Variants in CCSER2 observed in about 807,000 individuals in gnomAD.
CCSER2 encodes the protein serine-rich coiled-coil domain-containing protein 2.
CCSER2 carries 46 observed loss-of-function variants against 92.3 expected under a neutral mutation model. The observed-to-expected ratio is 0.50, with a 90% CI of 0.39 to 0.64. The LOEUF (loss-of-function observed/expected upper bound fraction) is 0.64, where lower values mean the gene tolerates loss of function less well. CCSER2 is among the 30% of genes least tolerant of loss of function. CCSER2 has a pLI of 0.00. For missense variants in CCSER2, 1,244 were observed against 1,238.9 expected, an observed-to-expected ratio of 1.00 and a Z score of -0.06; for synonymous variants, 433 against 431.4, an observed-to-expected ratio of 1.00 and a Z score of -0.04.
intron 1 of CCSER2, among the ~76,000 whole-genome samples, chr10:84,357,171 C>G (rs1845217355): frequency 6.6e-6 from 1 of 152,144 alleles, no homozygotes; most frequent in African/African-American, 2.4e-5. Context: ...GTGGGTTTGG[C>G]TTCTGCAAAG....
intron 1 of CCSER2, among the ~76,000 whole-genome samples, chr10:84,331,577 G>A (rs189327071): frequency 2.6e-5 from 4 of 152,286 alleles, no homozygotes; most frequent in African/African-American, 9.6e-5. Context: ...AAAATTACTT[G>A]TGTGGCTTGT....
At chr10:84,443,675 A>G (rs907763878) in intron 6 of CCSER2, among the ~76,000 whole-genome samples, 5 of 152,202 alleles carry the variant, frequency 3.3e-5, no homozygotes, top group Non-Finnish European at 5.9e-5. Flanking sequence ...TCATTTTACT[A>G]TAAAGACACA....
intron 3 of CCSER2, among the ~76,000 whole-genome samples, chr10:84,412,081 C>T (rs774799741): frequency 6.6e-6 from 1 of 151,976 alleles, no homozygotes; most frequent in African/African-American, 2.4e-5. Context: ...TGGTTTTTGT[C>T]TTTAGTTTTG....
At chr10:84,498,280 A>G (rs1848552732) in intron 9 of CCSER2, among the ~76,000 whole-genome samples, 1 of 152,248 alleles carries the variant, frequency 6.6e-6, no homozygotes, top group African/African-American at 2.4e-5. Flanking sequence ...AAACAGCATA[A>G]CAGCAGGTAG....
intron 6 of CCSER2, among the ~76,000 whole-genome samples, chr10:84,439,429 A>T (rs1844392014): frequency 6.6e-6 from 1 of 152,190 alleles, no homozygotes; most frequent in African/African-American, 2.4e-5. Context: ...TAGAATAGCC[A>T]ACTTTAGCTT....
intron 6 of CCSER2, among the ~76,000 whole-genome samples, chr10:84,451,612 A>G (rs996436384): frequency 2.6e-5 from 4 of 152,208 alleles, no homozygotes; most frequent in African/African-American, 9.6e-5. Flanking sequence ...TTAAGTGCCA[A>G]AACAAACCTA....
At chr10:84,381,806 T>A (rs1278224987) in intron 3 of CCSER2, among the ~76,000 whole-genome samples, 1 of 151,278 alleles carries the variant, frequency 6.6e-6, no homozygotes, top group East Asian at 2.0e-4. Context: ...CACGTGCCTG[T>A]AGTCCCAGCT....
intron 3 of CCSER2, among the ~76,000 whole-genome samples, chr10:84,378,513 C>T (rs2133201881): frequency 6.7e-6 from 1 of 148,640 alleles, no homozygotes; most frequent in African/African-American, 2.5e-5. Context: ...TGGCTCACTG[C>T]AACCTCTGCC....
chr10:84,435,544 T>C (rs2133485873), intron 5 of CCSER2, among the ~76,000 whole-genome samples: 1 of 151,290 alleles, frequency 6.6e-6, no homozygotes, highest in East Asian at 1.9e-4. Context: ...AGTGCTTTTG[T>C]CATGTGACAG....
At chr10:84,486,976 C>G (rs1334384469) in intron 9 of CCSER2, among the ~76,000 whole-genome samples, 4 of 152,280 alleles carry the variant, frequency 2.6e-5, no homozygotes, top group South Asian at 2.1e-4. Context: ...AGCCAGTTTT[C>G]CCAGCACCAT....
chr10:84,428,349 T>C (rs994204435), intron 5 of CCSER2, among the ~76,000 whole-genome samples: 5 of 152,186 alleles, frequency 3.3e-5, no homozygotes, highest in African/African-American at 9.7e-5. Context: ...ACGATAGGGT[T>C]CGTGCTCCTA....
intron 8 of CCSER2, chr10:84,473,174 G>A (rs1019080130): frequency 4.6e-5 from 7 of 151,928 alleles, no homozygotes; most frequent in South Asian, 2.1e-4. Context: ...CTCTGTACTC[G>A]ATATATTAAA....
intron 8 of CCSER2, among the ~76,000 whole-genome samples, chr10:84,472,648 T>A (rs1056256361): frequency 9.2e-5 from 14 of 152,042 alleles, no homozygotes; most frequent in African/African-American, 3.4e-4. Context: ...AATAGTAAAA[T>A]TAGAAAAGTA....
intron 4 of CCSER2, among the ~76,000 whole-genome samples, chr10:84,421,103 A>T (rs1843127391): frequency 6.6e-6 from 1 of 152,202 alleles, no homozygotes; most frequent in Non-Finnish European, 1.5e-5. Context: ...TTGTCAGATT[A>T]TCATTTCATG....
chr10:84,442,378 G>A (rs965785636), intron 6 of CCSER2, among the ~76,000 whole-genome samples: 3 of 152,256 alleles, frequency 2.0e-5, no homozygotes, highest in African/African-American at 7.2e-5. Flanking sequence ...TTGAACATAG[G>A]CTGTATATTA....
chr10:84,435,559 A>C (rs943827097), intron 5 of CCSER2, among the ~76,000 whole-genome samples: 24 of 151,762 alleles, frequency 1.6e-4, no homozygotes, highest in Non-Finnish European at 5.9e-5. Flanking sequence ...TGACAGCTAC[A>C]GAATTTTAGA....
At chr10:84,378,096 G>C (rs188920537) in intron 3 of CCSER2, among the ~76,000 whole-genome samples, 2 of 152,340 alleles carry the variant, frequency 1.3e-5, no homozygotes, top group East Asian at 3.9e-4. Context: ...TTGAAATGGT[G>C]ATAGAATTTC....
chr10:84,471,233 G>A (rs531269305), intron 8 of CCSER2, among the ~76,000 whole-genome samples: 1 of 152,022 alleles, frequency 6.6e-6, no homozygotes, highest in Admixed American at 6.5e-5. Flanking sequence ...AATAAATAGA[G>A]CAGATAAATC....
At chr10:84,436,751 T>A (rs1219595676) in intron 5 of CCSER2, among the ~76,000 whole-genome samples, 12 of 152,168 alleles carry the variant, frequency 7.9e-5, no homozygotes, top group Admixed American at 7.9e-4. Flanking sequence ...ATCAACAGTT[T>A]GTAAATTTCT....
Sources: allele counts gnomAD v4.1 joint callset (sites outside exome capture counted in the v4.1 genomes callset), GRCh38; gene constraint gnomAD v4.1.1; transcripts MANE v1.5; gene names NCBI Gene and HGNC (gene_info 2026-07-23, HGNC 2026-07-21).